PCNX3: variants seen among roughly 807,000 people sequenced by gnomAD.
PCNX3 encodes the protein pecanex-like protein 3.
In PCNX3, 58 loss-of-function variants were observed where a neutral mutation model predicts 207.2. That is an observed-to-expected ratio of 0.28 (90% CI 0.23 to 0.35). The LOEUF (loss-of-function observed/expected upper bound fraction) is 0.35, where lower values mean the gene tolerates loss of function less well. Ranked by LOEUF, PCNX3 falls within the 10% of genes least tolerant of loss-of-function variation. PCNX3 has a pLI of 1.00. For synonymous variants in PCNX3, 1,337 were observed against 1,183.5 expected, an observed-to-expected ratio of 1.13 and a Z score of -2.66; for missense variants, 2,410 against 2,774.4, an observed-to-expected ratio of 0.87 and a Z score of 2.95.
intron 6 of PCNX3, 147 bp downstream of exon 6, chr11:65,619,214 A>G (rs1854934386): frequency 8.6e-6 from 7 of 810,112 alleles, no homozygotes; most frequent in Non-Finnish European, 9.5e-6. Context: ...GGTGATTGAC[A>G]TTGTCTGCCA....
Position 65,636,647 on chromosome 11 carries a change from G to GC in PCNX3, c.5852dup (p.Ala1952SerfsTer33). 1 of 1,584,772 alleles carries GC rather than the reference G, an allele frequency of 6.3e-7. No homozygotes were observed. Among genetic ancestry groups the GC allele is most frequent in the Non-Finnish European group, 8.6e-7 (1 of 1,168,196 alleles). On this transcript the variant is annotated frameshift_variant, in exon 34 of 35. Coordinates refer to ENST00000355703, the MANE Select transcript of PCNX3 (RefSeq NM_032223.4). LOFTEE classifies it high-confidence loss of function. ...AGGGGCTGGGAGGATCTGACGGGGA[G>GC]CCAGCCTCAGGGAGCCCCAAAGGAG...
In PCNX3 at chr11:65,616,954, G is replaced by A; in HGVS notation, c.284G>A (p.Ser95Asn). The A allele has an allele frequency of 6.2e-7, 1 of 1,613,332 alleles. No individual in the cohort carries two copies. The highest frequency in any genetic ancestry group is 8.5e-7 in the Non-Finnish European group (1 of 1,179,822). The change falls in exon 2 of 35, where the codon AGC becomes AAC. Residue 95 changes from serine to asparagine, a missense_variant. By Grantham distance (46) the Ser-to-Asn change is conservative. Coordinates refer to ENST00000355703, the MANE Select transcript of PCNX3 (RefSeq NM_032223.4). ...CAGGGCGAGATCGTGGAGAAGCGCA[G>A]CTCTACCATGGGGGAGCTGGAGGAA... ...FDQGEIVEKRSSTMGELEEEP... is the reference protein window; with the variant it reads ...FDQGEIVEKRNSTMGELEEEP...
Position 65,624,975 on chromosome 11 carries a change from G to T in PCNX3, c.2878G>T (p.Ala960Ser). Reference sequence around the variant, plus strand: ...CTTCAGCCTCTCCCGCAGCCTGCTGGCTGCTGCCCTGCTCTACGGTTTCTG... The same window carrying T: ...CTTCAGCCTCTCCCGCAGCCTGCTGTCTGCTGCCCTGCTCTACGGTTTCTG... ...AVFSLSRSLL[A>S]AALLYGFCLG... Residue 960 changes from alanine (A) to serine (S), a missense_variant, in exon 16 of 35, where the codon GCT (alanine) becomes TCT (serine). Ala to Ser is a moderately conservative substitution (Grantham distance 99). This residue lies in a region of PCNX3 where 333 missense variants were observed against 386.8 expected (regional missense o/e 0.86). Transcript: ENST00000355703. 6.2e-7 allele frequency: 1 copy of T among 1,612,682 alleles called. No homozygotes were observed. Among genetic ancestry groups the T allele is most frequent in the Non-Finnish European group, 8.5e-7 (1 of 1,179,610 alleles).
In PCNX3 at chr11:65,628,703, C is replaced by T. The variant is rs1225181847; in HGVS notation, c.3811C>T (p.His1271Tyr). The T allele has an allele frequency of 6.3e-7, 1 of 1,577,848 alleles. No individual in the cohort carries two copies. Among genetic ancestry groups the T allele is most frequent in the African/African-American group, 1.4e-5 (1 of 70,980 alleles). ...TTTTGCCCAGCCGTTTGCCGTGCCA[C>T]GTATCCAGCCTGTGTTTGGGTGGGG... ...HAFAQPFAVPHSAMLFVQALL... is the reference protein window; with the variant it reads ...HAFAQPFAVPYSAMLFVQALL... The change falls in exon 23 of 35, where the codon CAC (histidine) becomes TAC (tyrosine). Residue 1271 changes from histidine (H) to tyrosine (Y), a missense_variant and splice_region_variant. His to Tyr is a moderately conservative substitution (Grantham distance 83). Coordinates refer to ENST00000355703, the MANE Select transcript of PCNX3 (RefSeq NM_032223.4).
chr11:65,630,748 T>G (rs1855586082), intron 27 of PCNX3, 144 bp downstream of exon 27: 1 of 1,243,496 alleles, frequency 8.0e-7, no homozygotes, highest in Non-Finnish European at 1.1e-6. Flanking sequence ...AAGTGTCCCC[T>G]GAGGTGCCAC....
chr11:65,626,779 A>G (rs1855411563), intron 20 of PCNX3, 125 bp from the exon 21 acceptor site: 2 of 1,412,780 alleles, frequency 1.4e-6, no homozygotes, highest in Non-Finnish European at 9.6e-7. Context: ...GCTGCCACAG[A>G]TCAGCCCCTC....
At chr11:65,617,727 C>G (rs376622684) in intron 5 of PCNX3, 21 bp downstream of exon 5, 6 of 1,551,582 alleles carry the variant, frequency 3.9e-6, no homozygotes, top group Non-Finnish European at 5.2e-6. Context: ...CTTATGGGGC[C>G]GAGGCTTGTG....
In PCNX3 at chr11:65,628,931, C is replaced by T; in HGVS notation, c.3924C>T (p.Phe1308=). The change falls in exon 24 of 35, where the codon TTC becomes TTT. Residue 1308 remains phenylalanine, a synonymous_variant. Coordinates refer to ENST00000355703, the MANE Select transcript of PCNX3 (RefSeq NM_032223.4). Reference sequence around the variant, plus strand: ...TGTCCTACGCTCGGCCCCTCAAGTTCTGGGAGCGCGACTACAAGTGAGTCT... The same window carrying T: ...TGTCCTACGCTCGGCCCCTCAAGTTTTGGGAGCGCGACTACAAGTGAGTCT... ...FIMSYARPLK[F]WERDYNTKRV... is the part of the protein sequence containing the mutation. The T allele has an allele frequency of 6.2e-7, 1 of 1,612,064 alleles. No homozygotes were observed. The highest frequency in any genetic ancestry group is 1.3e-5 in the African/African-American group (1 of 75,038).
chr11:65,634,786 C>A lies in PCNX3; in HGVS notation c.4805+145C>A, dbSNP rs1855758517. On this transcript the variant is annotated intron_variant, in intron 29 of 34. Transcript: ENST00000355703. ...TACCTCTTCTCCCACGGGCAGGGCA[C>A]TTCCTGGTCATGACCTTGCCTGCTC... 10 of 1,192,330 alleles carry A rather than the reference C, an allele frequency of 8.4e-6. No individual in the cohort carries two copies. In the South Asian group the frequency reaches 1.5e-4, roughly 18 times the overall value. The allele number at this position is 1,192,330 out of a possible 1,614,324, so 73.9% of individuals were successfully genotyped here. A position where few individuals can be genotyped will look rare whatever the true frequency, so the allele number is the denominator to read the frequency against.
chr11:65,622,649 G>A (rs1855169193), intron 11 of PCNX3, among the ~76,000 whole-genome samples: 1 of 152,210 alleles, frequency 6.6e-6, no homozygotes, highest in Admixed American at 6.5e-5. Flanking sequence ...AGGCTGGAGT[G>A]CAGTGGCATG....
rs757738375 is a variant in PCNX3, at chr11:65,635,394, C to T, written c.5130C>T (p.Asp1710=). ...ALRHVLDDAS[D]EYKIIMLNRR... ...GCCATGTCCTGGATGATGCCTCCGA[C>T]GAGTACAAGATCATCATGCTCAACC... Residue 1710 remains aspartate (D), a synonymous_variant, in exon 31 of 35, where the codon GAC becomes GAT. Coordinates refer to ENST00000355703, the MANE Select transcript of PCNX3 (RefSeq NM_032223.4). The surrounding 1 kb of genome is among the most constrained non-coding windows in gnomAD (Gnocchi z 9.9). The T allele has an allele frequency of 6.2e-6, 10 of 1,612,404 alleles. No homozygotes were observed. The highest frequency in any genetic ancestry group is 8.5e-6 in the Non-Finnish European group (10 of 1,179,734).
rs540701231 is a variant in PCNX3, at chr11:65,634,676, G to A, written c.4805+35G>A. The A allele has an allele frequency of 7.1e-5, 107 of 1,510,710 alleles. No homozygotes were observed. The South Asian group carries it at 1.1e-3, about 16-fold the overall frequency. The allele number at this position is 1,510,710 out of a possible 1,614,324, so 93.6% of individuals were successfully genotyped here. A position where few individuals can be genotyped will look rare whatever the true frequency, so the allele number is the denominator to read the frequency against. On this transcript the variant is annotated intron_variant, in intron 29 of 34. Transcript: ENST00000355703. Reference sequence around the variant, plus strand: ...CGGGTGTCCCGCGGGGCCTACTGCCGTCCCCACCCCACCTCTTCCACGAAG... The same window carrying A: ...CGGGTGTCCCGCGGGGCCTACTGCCATCCCCACCCCACCTCTTCCACGAAG...
intron 27 of PCNX3, among the ~76,000 whole-genome samples, chr11:65,632,727 C>T (rs1225780021): frequency 6.7e-6 from 1 of 149,116 alleles, no homozygotes; most frequent in African/African-American, 2.5e-5. Context: ...GCTCCTCTCC[C>T]GGTCCCTGAA....
chr11:65,630,940 G>T (rs1036270687), intron 27 of PCNX3, among the ~76,000 whole-genome samples: 89 of 152,354 alleles, frequency 5.8e-4, no homozygotes, highest in African/African-American at 2.0e-3. Flanking sequence ...GCTAACAGTT[G>T]TCACGTTAAC....
chr11:65,629,850 G>A (rs1414606020), intron 26 of PCNX3, 115 bp downstream of exon 26: 3 of 1,212,896 alleles, frequency 2.5e-6, no homozygotes, highest in Non-Finnish European at 3.5e-6. Flanking sequence ...GCTGGCGGGT[G>A]GCCTTGGGCA....
At chr11:65,623,094 C>T (rs1855196660) in intron 11 of PCNX3, among the ~76,000 whole-genome samples, 1 of 152,206 alleles carries the variant, frequency 6.6e-6, no homozygotes, top group African/African-American at 2.4e-5. Flanking sequence ...CATGTGGCTT[C>T]CCGTCCATCT....
Position 65,616,015 on chromosome 11 carries a change from C to T in PCNX3, c.-297C>T. ...GCCGACGGGTACCCGGCCCGTGCCCCGCGCCTGCCTGCCGGCTCGGCCCCT... is the reference window on the plus strand; with the variant it reads ...GCCGACGGGTACCCGGCCCGTGCCCTGCGCCTGCCTGCCGGCTCGGCCCCT... On this transcript the variant is annotated 5_prime_UTR_variant, in exon 1 of 35. Transcript: ENST00000355703. 4.3e-6 allele frequency: 1 copy of T among 231,142 alleles called. No individual in the cohort carries two copies. The highest frequency in any genetic ancestry group is 1.6e-4 in the South Asian group (1 of 6,266). The allele number at this position is 231,142 out of a possible 1,614,324, so 14.3% of individuals were successfully genotyped here.
At position 65,624,531 on chromosome 11, in the gene PCNX3, G is replaced by A. The variant is rs1855278726; in HGVS notation, c.2777G>A (p.Cys926Tyr). ...LLGLLPQVNT[C>Y]LMYLLEQIDM... ...GGCCTCCTGCCCCAGGTCAACACCT[G>A]CCTCATGTACCTGCTGGAGCAAATA... Residue 926 changes from cysteine to tyrosine, a missense_variant, in exon 15 of 35, where the codon TGC (cysteine) becomes TAC (tyrosine). By Grantham distance (194) the Cys-to-Tyr change is radical (BLOSUM62 -2). This residue lies in a region of PCNX3 where 18 missense variants were observed against 46.2 expected (regional missense o/e 0.39). Coordinates refer to ENST00000355703, the MANE Select transcript of PCNX3 (RefSeq NM_032223.4). The A allele has an allele frequency of 6.2e-7, 1 of 1,609,406 alleles. No individual in the cohort carries two copies. Among genetic ancestry groups the A allele is most frequent in the African/African-American group, 1.3e-5 (1 of 74,874 alleles).
Position 65,628,579 on chromosome 11 carries a change from C to G in PCNX3, c.3703-16C>G. 6.2e-7 allele frequency: 1 copy of G among 1,611,226 alleles called. No homozygotes were observed. The highest frequency in any genetic ancestry group is 8.5e-7 in the Non-Finnish European group (1 of 1,178,838). The stretch of plus-strand genomic sequence containing the variant: ...ACCCTGCATGTCTTTTTTCTTCTCC[C>G]TGTTGGCCCTGCCAGCTGTGGGACT... On this transcript the variant is annotated splice_polypyrimidine_tract_variant and intron_variant, in intron 22 of 34. Transcript: ENST00000355703.
Sources: allele counts gnomAD v4.1 joint callset (sites outside exome capture counted in the v4.1 genomes callset), GRCh38; gene constraint gnomAD v4.1.1; regional missense constraint gnomAD v4.1.1; non-coding constraint Gnocchi (gnomAD v3.1); transcripts MANE v1.5; gene names NCBI Gene and HGNC (gene_info 2026-07-23, HGNC 2026-07-21).